CACNA1D: variants seen among roughly 807,000 people sequenced by gnomAD.
CACNA1D encodes calcium voltage-gated channel subunit alpha1 D.
In CACNA1D, 55 loss-of-function variants were observed where a neutral mutation model predicts 257.1. The observed-to-expected ratio is 0.21, with a 90% confidence interval of 0.17 to 0.27. The LOEUF (loss-of-function observed/expected upper bound fraction) is 0.27. Among genes scored for constraint, CACNA1D ranks in the 10% least tolerant of loss-of-function variants. The probability of loss-of-function intolerance (pLI) is 1.00; values close to 1 mark genes in which losing one functional copy is unlikely to be tolerated. For synonymous variants in CACNA1D, 980 were observed against 1,014.9 expected, an observed-to-expected ratio of 0.97 and a Z score of 0.65; for missense variants, 1,876 against 2,784.0, an observed-to-expected ratio of 0.67 and a Z score of 7.34.
chr3:53,645,950 C>G (rs1313015119), intron 3 of CACNA1D, among the ~76,000 whole-genome samples: 3 of 152,346 alleles, frequency 2.0e-5, no homozygotes, highest in East Asian at 3.9e-4. Flanking sequence ...TAGCAGAAAT[C>G]AGATCTATGG....
chr3:53,529,109 T>C (rs987825900), intron 3 of CACNA1D, among the ~76,000 whole-genome samples: 2 of 152,218 alleles, frequency 1.3e-5, no homozygotes, highest in Non-Finnish European at 2.9e-5. Context: ...AGAAAGTGTT[T>C]ATTCTTTCAT....
intron 4 of CACNA1D, among the ~76,000 whole-genome samples, chr3:53,657,060 G>A (rs1410194801): frequency 6.6e-6 from 1 of 152,082 alleles, no homozygotes; most frequent in Non-Finnish European, 1.5e-5. Context: ...ACTCTTAGGT[G>A]TTTATCCAAG....
At position 53,757,344 on chromosome 3, in the gene CACNA1D, C is replaced by T. The variant is rs569893588; in HGVS notation, c.3786+3662C>T. Reference sequence around the variant, plus strand: ...GGCTTCTTGTTGGGCTCCATCCTGTCCTTTTGACATTGAGGTTTCCCAGAG... The same window carrying T: ...GGCTTCTTGTTGGGCTCCATCCTGTTCTTTTGACATTGAGGTTTCCCAGAG... On this transcript the variant is annotated intron_variant, in intron 29 of 47. Transcript: ENST00000350061. 2.0e-5 allele frequency among the ~76,000 whole-genome samples: 3 copies of T among 152,270 alleles called. No individual in the cohort carries two copies. In the South Asian group the frequency reaches 6.2e-4, roughly 32 times the overall value.
At position 53,722,359 on chromosome 3, in the gene CACNA1D, G is replaced by A. The variant is rs2108712197; in HGVS notation, c.1551G>A (p.Arg517=). Residue 517 remains arginine (R), a synonymous_variant, in exon 12 of 48, where the codon AGG becomes AGA. Transcript: ENST00000350061. ...RWNRFNRRRC[R]AAVKSVTFYW... The stretch of plus-strand genomic sequence containing the variant: ...ACCGATTCAATCGCAGAAGATGTAG[G>A]GCCGCCGTGAAGTCTGTCACGTTTT... 5.6e-6 allele frequency: 9 copies of A among 1,614,198 alleles called. No individual in the cohort carries two copies. The highest frequency in any genetic ancestry group is 6.8e-6 in the Non-Finnish European group (8 of 1,180,044).
intron 3 of CACNA1D, among the ~76,000 whole-genome samples, chr3:53,548,773 T>C (rs1007294984): frequency 6.6e-6 from 1 of 152,212 alleles, no homozygotes; most frequent in Non-Finnish European, 1.5e-5. Context: ...TTGTAGATAC[T>C]GCAATAGTTT....
chr3:53,564,934 T>G (rs2092807688), intron 3 of CACNA1D, among the ~76,000 whole-genome samples: 1 of 152,324 alleles, frequency 6.6e-6, no homozygotes, highest in South Asian at 2.1e-4. Context: ...TTTTGTTTGT[T>G]TGTTTTTGTT....
At chr3:53,665,283 A>T (rs2094250458) in intron 5 of CACNA1D, among the ~76,000 whole-genome samples, 1 of 152,202 alleles carries the variant, frequency 6.6e-6, no homozygotes, top group Non-Finnish European at 1.5e-5. Flanking sequence ...TTTTTGAGGG[A>T]AAACATTTTA....
chr3:53,587,786 C>G (rs1449833480), intron 3 of CACNA1D, among the ~76,000 whole-genome samples: 2 of 152,120 alleles, frequency 1.3e-5, no homozygotes, highest in Non-Finnish European at 2.9e-5. Flanking sequence ...GGCTGTTCTG[C>G]GGGTCCCAGA....
intron 3 of CACNA1D, among the ~76,000 whole-genome samples, chr3:53,564,130 A>C (rs1268223425): frequency 6.6e-6 from 1 of 152,018 alleles, no homozygotes; most frequent in Non-Finnish European, 1.5e-5. Context: ...CTTTTTGTGA[A>C]GTGTCCGTTG....
At chr3:53,681,752 T>C (rs2094432057) in intron 8 of CACNA1D, among the ~76,000 whole-genome samples, 1 of 152,244 alleles carries the variant, frequency 6.6e-6, no homozygotes, top group Non-Finnish European at 1.5e-5. Flanking sequence ...GAAAGGTTCA[T>C]GTGCTGTGAG....
In CACNA1D at chr3:53,775,931, C is replaced by G. The variant is rs1285575310; in HGVS notation, c.4248C>G (p.Leu1416=). The G allele has an allele frequency of 6.2e-7, 1 of 1,614,140 alleles. No individual in the cohort carries two copies. The change falls in exon 35 of 48, where the codon CTC becomes CTG. Residue 1416 remains leucine (L), a synonymous_variant. Transcript: ENST00000350061. ...GGCAGGAGATCATGCTGGCCTGTCTCCCAGGGAAGCTCTGTGACCCTGAGT... is the reference window on the plus strand; with the variant it reads ...GGCAGGAGATCATGCTGGCCTGTCTGCCAGGGAAGCTCTGTGACCCTGAGT... ...EAWQEIMLAC[L]PGKLCDPESD... is the part of the protein sequence containing the mutation.
chr3:53,679,270 CAAAAAAAAAAAAAAAAAAAA>C (rs1166823497), intron 8 of CACNA1D: 18 of 16,330 alleles, frequency 1.1e-3, no homozygotes, highest in East Asian at 0.01. Flanking sequence ...AACTCCATCT[CAAAAAAAAAAAAAAAAAAAA>C]AAAAAAAAAA....
intron 2 of CACNA1D, among the ~76,000 whole-genome samples, chr3:53,499,811 A>G (rs1003212363): frequency 6.6e-6 from 1 of 152,142 alleles, no homozygotes; most frequent in East Asian, 1.9e-4. Context: ...TTGTGTTTCT[A>G]TGGAGAACAA....
intron 1 of CACNA1D, among the ~76,000 whole-genome samples, chr3:53,496,044 G>T (rs1213230785): frequency 6.6e-6 from 1 of 152,188 alleles, no homozygotes. Flanking sequence ...GACATGACTC[G>T]ACTCGTCCCC....
At chr3:53,525,729 C>T (rs1406346864) in intron 3 of CACNA1D, among the ~76,000 whole-genome samples, 2 of 152,124 alleles carry the variant, frequency 1.3e-5, no homozygotes, top group African/African-American at 4.8e-5. Flanking sequence ...GTCAGGAGTC[C>T]TTCCTGACCT....
intron 7 of CACNA1D, among the ~76,000 whole-genome samples, chr3:53,667,588 A>G (rs2094280129): frequency 6.6e-6 from 1 of 152,202 alleles, no homozygotes; most frequent in African/African-American, 2.4e-5. Context: ...GATTTCCTAT[A>G]CTCCATAACT....
Position 53,724,016 on chromosome 3 carries a change from T to C in CACNA1D, c.2100+17T>C. 2 of 1,601,646 alleles carry C rather than the reference T, an allele frequency of 1.2e-6. No homozygotes were observed. The highest frequency in any genetic ancestry group is 8.6e-7 in the Non-Finnish European group (1 of 1,168,644). ...GTGTTCCAGGTGAGTCCTCCCTCCA[T>C]TCCCCGAAAAGCACTTCGTGAGCAG... On this transcript the variant is annotated intron_variant, in intron 14 of 47. Coordinates refer to ENST00000350061, the MANE Select transcript of CACNA1D (RefSeq NM_001128840.3).
chr3:53,673,766 C>A lies in CACNA1D; in HGVS notation c.1220+640C>A, dbSNP rs2094347948. 1.2e-6 allele frequency: 2 copies of A among 1,613,878 alleles called. No individual in the cohort carries two copies. Among genetic ancestry groups the A allele is most frequent in the African/African-American group, 1.3e-5 (1 of 74,878 alleles). On this transcript the variant is annotated intron_variant, in intron 8 of 47. Coordinates refer to ENST00000350061, the MANE Select transcript of CACNA1D (RefSeq NM_001128840.3). This position sits in a 1 kb window ranked among gnomAD's most constrained non-coding sequence, Gnocchi z 4.1. The stretch of plus-strand genomic sequence containing the variant: ...CATGGGTGTATTTTGTTAGTCTGAT[C>A]ATCCTTGGCTCATTTTTCGTCCTTA...
intron 8 of CACNA1D, among the ~76,000 whole-genome samples, chr3:53,700,364 T>A (rs570783956): frequency 6.6e-6 from 1 of 152,212 alleles, no homozygotes; most frequent in Non-Finnish European, 1.5e-5. Flanking sequence ...AGGTCCACTT[T>A]TCTTTGAGAT....
Sources: allele counts gnomAD v4.1 joint callset (sites outside exome capture counted in the v4.1 genomes callset), GRCh38; gene constraint gnomAD v4.1.1; non-coding constraint Gnocchi (gnomAD v3.1); transcripts MANE v1.5; gene names NCBI Gene and HGNC (gene_info 2026-07-23, HGNC 2026-07-21).